SLC8A3: variants seen among roughly 807,000 people sequenced by gnomAD.
SLC8A3 encodes the protein solute carrier family 8 member A3.
In SLC8A3, 37 loss-of-function variants were observed where a neutral mutation model predicts 65.4. The ratio of observed to expected loss-of-function variants is 0.57; its 90% CI spans 0.44 to 0.74. The LOEUF (loss-of-function observed/expected upper bound fraction) is 0.74, where lower values mean the gene tolerates loss of function less well. Ranked by LOEUF, SLC8A3 falls within the 30% of genes least tolerant of loss-of-function variation. The probability of loss-of-function intolerance (pLI) is 0.00; values close to 1 mark genes in which losing one functional copy is unlikely to be tolerated. For missense variants in SLC8A3, 1,112 were observed against 1,172.1 expected, an observed-to-expected ratio of 0.95 and a Z score of 0.75; for synonymous variants, 461 against 444.5, an observed-to-expected ratio of 1.04 and a Z score of -0.47.
chr14:70,153,881 GA>G (rs1268888255), intron 2 of SLC8A3, among the ~76,000 whole-genome samples: 9 of 152,302 alleles, frequency 5.9e-5, no homozygotes. Flanking sequence ...CCCCTGATCT[GA>G]AAACATGGTC....
chr14:70,101,240 A>C (rs960293287), intron 2 of SLC8A3, among the ~76,000 whole-genome samples: 5 of 152,242 alleles, frequency 3.3e-5, no homozygotes, highest in African/African-American at 1.2e-4. Flanking sequence ...TGAAGGAAAA[A>C]TATAGGGTAA....
intron 2 of SLC8A3, among the ~76,000 whole-genome samples, chr14:70,164,868 T>C (rs1324299046): frequency 6.6e-6 from 1 of 152,354 alleles, no homozygotes; most frequent in East Asian, 1.9e-4. Context: ...TTCATTTGTA[T>C]GTATAAACAC....
At chr14:70,072,604 T>G (rs1257442843) in intron 2 of SLC8A3, among the ~76,000 whole-genome samples, 1 of 132,218 alleles carries the variant, frequency 7.6e-6, no homozygotes, top group African/African-American at 2.9e-5. Context: ...CGTCCATCCA[T>G]CCATCCATCC....
intron 2 of SLC8A3, among the ~76,000 whole-genome samples, chr14:70,159,892 C>T (rs1411749332): frequency 1.3e-5 from 2 of 152,200 alleles, no homozygotes; most frequent in African/African-American, 4.8e-5. Context: ...CCCATGCTGA[C>T]ATTCTCCCCG....
chr14:70,074,971 C>T (rs953533868), intron 2 of SLC8A3, among the ~76,000 whole-genome samples: 4 of 152,010 alleles, frequency 2.6e-5, no homozygotes, highest in Non-Finnish European at 5.9e-5. Context: ...GTTTGAGTTC[C>T]GCTGCTGCTG....
intron 2 of SLC8A3, chr14:70,080,090 C>T: frequency 1.0e-6 from 1 of 985,566 alleles, no homozygotes; most frequent in Non-Finnish European, 1.2e-6. Context: ...TTTCCTTCCC[C>T]TCTTTCCTTG....
At chr14:70,144,330 TTA>T (rs1318085979) in intron 2 of SLC8A3, among the ~76,000 whole-genome samples, 2,694 of 87,266 alleles carry the variant, frequency 0.031, 12 homozygotes, top group Non-Finnish European at 0.044. Context: ...TTTTTTTTTT[TTA>T]AAAAAAAAAA....
Position 70,046,220 on chromosome 14 carries a change from G to A in SLC8A3, c.2493C>T (p.Gly831=). The A allele has an allele frequency of 6.2e-7, 1 of 1,614,248 alleles. No individual in the cohort carries two copies. The highest frequency in any genetic ancestry group is 8.5e-7 in the Non-Finnish European group (1 of 1,180,042). ...AGATGGCGGCCACGGACCAGGCCAG[G>A]CCGATGCCCAGGAAGACATTGACGG... ...SNAVNVFLGI[G]LAWSVAAIYW... Residue 831 remains glycine (G), a synonymous_variant, in exon 7 of 7, where the codon GGC becomes GGT. Transcript: ENST00000356921. The surrounding 1 kb of genome is among the most constrained non-coding windows in gnomAD (Gnocchi z 4.2).
intron 2 of SLC8A3, among the ~76,000 whole-genome samples, chr14:70,090,778 C>T (rs1249875076): frequency 6.6e-6 from 1 of 152,096 alleles, no homozygotes; most frequent in Non-Finnish European, 1.5e-5. Context: ...GTGTGAGCTG[C>T]CCTGGTCAAA....
intron 2 of SLC8A3, among the ~76,000 whole-genome samples, chr14:70,121,466 A>G (rs1894047488): frequency 6.6e-6 from 1 of 152,236 alleles, no homozygotes; most frequent in African/African-American, 2.4e-5. Flanking sequence ...TCTAACGTCC[A>G]CAGCTTTGAC....
At chr14:70,159,647 C>T (rs1273452907) in intron 2 of SLC8A3, among the ~76,000 whole-genome samples, 1 of 152,176 alleles carries the variant, frequency 6.6e-6, no homozygotes, top group Non-Finnish European at 1.5e-5. Flanking sequence ...GCTCACCTTG[C>T]TGTCATTCTT....
chr14:70,151,754 T>TCTCGGA (rs1368286159), intron 2 of SLC8A3, among the ~76,000 whole-genome samples: 1 of 152,170 alleles, frequency 6.6e-6, no homozygotes, highest in African/African-American at 2.4e-5. Context: ...ACTGATTCCT[T>TCTCGGA]CTAGAGGTCC....
intron 2 of SLC8A3, chr14:70,063,872 G>A: frequency 6.2e-7 from 1 of 1,612,740 alleles, no homozygotes; most frequent in Non-Finnish European, 8.5e-7. Context: ...TCTCAATGAA[G>A]TAATTCTTGT....
At chr14:70,166,033 A>G (rs1312523972) in intron 2 of SLC8A3, among the ~76,000 whole-genome samples, 1 of 152,228 alleles carries the variant, frequency 6.6e-6, no homozygotes, top group East Asian at 1.9e-4. Flanking sequence ...GCCTCACACC[A>G]TTAAATAGTC....
At chr14:70,061,059 T>C in intron 2 of SLC8A3, 120 bp from the exon 3 acceptor site, 1 of 582,876 alleles carries the variant, frequency 1.7e-6, no homozygotes, top group Non-Finnish European at 3.0e-6. Context: ...AGTCCCACCA[T>C]GGTGGCTTTC....
rs1025259917 is a variant in SLC8A3, at chr14:70,188,734, C to G, written c.-418G>C. 3.3e-5 allele frequency: 5 copies of G among 152,130 alleles called. No homozygotes were observed. The highest frequency in any genetic ancestry group is 1.9e-4 in the East Asian group (1 of 5,150). The allele number at this position is 152,130 out of a possible 1,614,324, so 9.4% of individuals were successfully genotyped here. Reference sequence around the variant, plus strand: ...CTGGAATCTACGCCCGGGAGAGGCCCGGAGTCCCGGCCGCGGGCGGCGGGG... The same window carrying G: ...CTGGAATCTACGCCCGGGAGAGGCCGGGAGTCCCGGCCGCGGGCGGCGGGG... On this transcript the variant is annotated 5_prime_UTR_variant, in exon 1 of 7. Transcript: ENST00000356921.
At chr14:70,180,978 A>G (rs930122449) in intron 1 of SLC8A3, among the ~76,000 whole-genome samples, 2 of 152,352 alleles carry the variant, frequency 1.3e-5, no homozygotes, top group East Asian at 1.9e-4. Context: ...TACAGCTGGA[A>G]GGTCCTGAAA....
chr14:70,107,985 A>G (rs1371211172), intron 2 of SLC8A3, among the ~76,000 whole-genome samples: 2 of 151,814 alleles, frequency 1.3e-5, no homozygotes, highest in African/African-American at 2.4e-5. Flanking sequence ...CTTCTCTTGG[A>G]CGTCTTTACC....
intron 2 of SLC8A3, among the ~76,000 whole-genome samples, chr14:70,130,973 C>G (rs1034623095): frequency 6.6e-6 from 1 of 152,162 alleles, no homozygotes; most frequent in East Asian, 1.9e-4. Context: ...GTGGACCAAA[C>G]TTGAGTAGAT....
Sources: gnomAD v4.1 joint callset for allele counts (sites outside exome capture counted in the v4.1 genomes callset) on GRCh38, gnomAD v4.1.1 for gene constraint, Gnocchi (gnomAD v3.1) non-coding constraint, MANE v1.5 for transcripts, NCBI Gene and HGNC (gene_info 2026-07-23, HGNC 2026-07-21) for gene names.